SUGCT: variants seen among roughly 807,000 people sequenced by gnomAD.
SUGCT encodes succinyl-CoA:glutarate CoA-transferase.
In SUGCT, 41 loss-of-function variants were observed where a neutral mutation model predicts 55.0. The ratio of observed to expected loss-of-function variants is 0.74; its 90% CI spans 0.58 to 0.97. SUGCT has a LOEUF of 0.97. SUGCT is among the 50% of genes least tolerant of loss of function. The probability of loss-of-function intolerance (pLI) is 0.00; values close to 1 mark genes in which losing one functional copy is unlikely to be tolerated. For missense variants in SUGCT, 568 were observed against 547.8 expected (o/e 1.04, Z -0.37); for synonymous variants, 187 against 200.4 (o/e 0.93, Z 0.56).
At chr7:40,520,759 A>G (rs1417900532) in intron 12 of SUGCT, among the ~76,000 whole-genome samples, 1 of 152,114 alleles carries the variant, frequency 6.6e-6, no homozygotes, top group African/African-American at 2.4e-5. Flanking sequence ...TTGAATAAGC[A>G]TTTCAATTAA....
At chr7:40,866,071 C>G in the SUGCT span, among the ~76,000 whole-genome samples, 2 of 152,126 alleles carry the variant, frequency 1.3e-5, no homozygotes, top group African/African-American at 4.8e-5. Flanking sequence ...CACTCACACC[C>G]CTTCCTCTCC....
intron 13 of SUGCT, among the ~76,000 whole-genome samples, chr7:40,840,516 TG>T (rs937429086): frequency 2.2e-4 from 32 of 142,854 alleles, no homozygotes; most frequent in African/African-American, 7.7e-4. Context: ...TAAATGAAAA[TG>T]AAAATATAAC....
In SUGCT at chr7:40,765,166, A is replaced by G. The variant is rs1447862766; in HGVS notation, c.1153+15669A>G. Among the ~76,000 whole-genome samples the G allele has an allele frequency of 3.3e-5, 5 of 152,104 alleles. No homozygotes were observed. In the East Asian group the frequency reaches 7.7e-4, roughly 23 times the overall value. ...TGAATTACAGATAATTTTCTTTCTGATCCTTTTTTCTAAATCTTTAGTTGT... is the reference window on the plus strand; with the variant it reads ...TGAATTACAGATAATTTTCTTTCTGGTCCTTTTTTCTAAATCTTTAGTTGT... On this transcript the variant is annotated intron_variant, in intron 13 of 13. Coordinates refer to ENST00000335693, the MANE Select transcript of SUGCT (RefSeq NM_001193313.2).
At chr7:40,747,571 T>C (rs1182280378) in intron 12 of SUGCT, among the ~76,000 whole-genome samples, 2 of 152,236 alleles carry the variant, frequency 1.3e-5, no homozygotes, top group East Asian at 3.8e-4. Context: ...CTCTTTGGGA[T>C]GCTGGCATGA....
chr7:40,987,011 T>C, the SUGCT span, among the ~76,000 whole-genome samples: 4 of 152,182 alleles, frequency 2.6e-5, no homozygotes, highest in Non-Finnish European at 5.9e-5. Flanking sequence ...TTCAAAAAAA[T>C]CTATTGAAAA....
the SUGCT span, among the ~76,000 whole-genome samples, chr7:40,970,737 G>A: frequency 6.6e-6 from 1 of 152,180 alleles, no homozygotes; most frequent in Non-Finnish European, 1.5e-5. Context: ...TGGAGGATCT[G>A]AATCTTGACA....
intron 9 of SUGCT, among the ~76,000 whole-genome samples, chr7:40,424,266 T>C (rs80077283): frequency 0.017 from 2,515 of 152,266 alleles, 52 homozygotes; most frequent in African/African-American, 0.051. Context: ...GAATGAAGAA[T>C]TGAGATGGTG....
At chr7:40,395,306 T>C (rs553251377) in intron 9 of SUGCT, among the ~76,000 whole-genome samples, 1 of 151,942 alleles carries the variant, frequency 6.6e-6, no homozygotes, top group African/African-American at 2.4e-5. Flanking sequence ...CTGGTCAACA[T>C]GGTGAAACCT....
At chr7:40,319,757 C>A (rs1314505987) in intron 9 of SUGCT, among the ~76,000 whole-genome samples, 1 of 152,142 alleles carries the variant, frequency 6.6e-6, no homozygotes, top group African/African-American at 2.4e-5. Context: ...GTAGACAGAG[C>A]TGACATAATT....
chr7:40,249,793 T>TTG (rs150251052), intron 7 of SUGCT, among the ~76,000 whole-genome samples: 29 of 151,856 alleles, frequency 1.9e-4, no homozygotes, highest in Admixed American at 7.9e-4. Flanking sequence ...AATTGACTTT[T>TTG]TGTGTGTGTG....
At chr7:40,234,098 C>T (rs935478744) in intron 6 of SUGCT, among the ~76,000 whole-genome samples, 4 of 152,166 alleles carry the variant, frequency 2.6e-5, no homozygotes, top group African/African-American at 9.7e-5. Flanking sequence ...TCCTGCAGGC[C>T]TTTATTTAGA....
At chr7:40,939,981 T>A in the SUGCT span, among the ~76,000 whole-genome samples, 12 of 152,204 alleles carry the variant, frequency 7.9e-5, no homozygotes, top group African/African-American at 2.4e-4. Flanking sequence ...TTTCCCTAGG[T>A]TTTCTCCAAG....
intron 8 of SUGCT, among the ~76,000 whole-genome samples, chr7:40,287,489 C>T (rs7792576): frequency 0.99 from 150,996 of 151,844 alleles, 75,078 homozygotes; most frequent in East Asian, 1. Flanking sequence ...TGTGTTTTTT[C>T]CCTTGATACT....
At chr7:40,435,261 A>G (rs376348505) in intron 9 of SUGCT, among the ~76,000 whole-genome samples, 2 of 152,196 alleles carry the variant, frequency 1.3e-5, no homozygotes, top group South Asian at 2.1e-4. Context: ...GGACATACCT[A>G]TAAATCCTGA....
At chr7:40,869,381 A>G in the SUGCT span, among the ~76,000 whole-genome samples, 5,147 of 152,280 alleles carry the variant, frequency 0.034, 234 homozygotes, top group East Asian at 0.11. Flanking sequence ...GGTGAGAGAA[A>G]ACCCAAGTGA....
intron 13 of SUGCT, among the ~76,000 whole-genome samples, chr7:40,850,792 A>G (rs1001024407): frequency 6.6e-5 from 10 of 152,224 alleles, no homozygotes; most frequent in African/African-American, 2.4e-4. Flanking sequence ...TAAAACTTTT[A>G]TCTTTAGCCT....
At chr7:40,784,948 C>T (rs1489911285) in intron 13 of SUGCT, among the ~76,000 whole-genome samples, 3 of 152,106 alleles carry the variant, frequency 2.0e-5, no homozygotes, top group African/African-American at 4.8e-5. Context: ...GATTGATGGA[C>T]AGCAAAAATA....
chr7:40,699,450 C>G (rs1166016673), intron 12 of SUGCT, among the ~76,000 whole-genome samples: 1 of 152,122 alleles, frequency 6.6e-6, no homozygotes, highest in Non-Finnish European at 1.5e-5. Context: ...ACAGACCCAC[C>G]CTAGAGTTGG....
chr7:40,279,178 A>G (rs1484688926), intron 8 of SUGCT, among the ~76,000 whole-genome samples: 2 of 152,130 alleles, frequency 1.3e-5, no homozygotes, highest in East Asian at 1.9e-4. Flanking sequence ...TATTATTCCA[A>G]AAAGTTTCAG....
Sources: allele counts gnomAD v4.1 joint callset (sites outside exome capture counted in the v4.1 genomes callset), GRCh38; gene constraint gnomAD v4.1.1; transcripts MANE v1.5; gene names NCBI Gene and HGNC (gene_info 2026-07-23, HGNC 2026-07-21).